SAMMSON: variants seen among roughly 807,000 people sequenced by gnomAD.
SAMMSON encodes long intergenic non-protein coding RNA 1212.
At chr3:70,243,129 T>C (rs1420679081) in intron 4 of SAMMSON, among the ~76,000 whole-genome samples, 1 of 152,208 alleles carries the variant, frequency 6.6e-6, no homozygotes, top group Non-Finnish European at 1.5e-5. Context: ...TTCTCTAGAC[T>C]ATATTGTTTC....
intron 7 of SAMMSON, among the ~76,000 whole-genome samples, chr3:70,326,241 T>A (rs1702579799): frequency 6.6e-6 from 1 of 152,126 alleles, no homozygotes; most frequent in African/African-American, 2.4e-5. Context: ...TTGGTGCAGA[T>A]TCTTAATATA....
At chr3:70,409,068 C>A (rs563589678) in intron 2 of SAMMSON, among the ~76,000 whole-genome samples, 1 of 152,080 alleles carries the variant, frequency 6.6e-6, no homozygotes, top group Admixed American at 6.5e-5. Context: ...AGGGAAACCA[C>A]CCCCATGATT....
At chr3:70,213,309 A>T (rs1219647538) in intron 4 of SAMMSON, among the ~76,000 whole-genome samples, 1 of 152,120 alleles carries the variant, frequency 6.6e-6, no homozygotes, top group Non-Finnish European at 1.5e-5. Context: ...GCTTGTTGCT[A>T]AGTTTTTCTT....
chr3:70,267,464 G>T (rs7638227), intron 6 of SAMMSON, among the ~76,000 whole-genome samples: 4,616 of 140,510 alleles, frequency 0.033, 238 homozygotes, highest in African/African-American at 0.11. Flanking sequence ...GTGCAGTGGC[G>T]CGATCTCCGC....
chr3:70,028,011 AT>A (rs1359733028), intron 3 of SAMMSON, among the ~76,000 whole-genome samples: 6 of 152,124 alleles, frequency 3.9e-5, no homozygotes. Context: ...ATGGCTTTGC[AT>A]TTTCAGTTAA....
intron 7 of SAMMSON, among the ~76,000 whole-genome samples, chr3:70,345,584 A>C (rs1702743938): frequency 6.6e-6 from 1 of 152,204 alleles, no homozygotes; most frequent in Non-Finnish European, 1.5e-5. Flanking sequence ...TCTATTCACC[A>C]GTACAGTATC....
At chr3:70,264,345 T>C (rs1701895835) in intron 6 of SAMMSON, among the ~76,000 whole-genome samples, 1 of 152,224 alleles carries the variant, frequency 6.6e-6, no homozygotes, top group African/African-American at 2.4e-5. Context: ...TTTAGAAATC[T>C]GCTCTTGTTT....
downstream of SAMMSON, among the ~76,000 whole-genome samples, chr3:70,391,840 A>G (rs145058555): frequency 6.6e-4 from 100 of 152,248 alleles, 1 homozygote; most frequent in African/African-American, 2.3e-3. Context: ...GGCAATATCT[A>G]TAGTAGGAAT....
At chr3:70,253,303 G>A (rs1701786388) in intron 6 of SAMMSON, among the ~76,000 whole-genome samples, 1 of 152,142 alleles carries the variant, frequency 6.6e-6, no homozygotes, top group Admixed American at 6.5e-5. Flanking sequence ...TATGGGGAAT[G>A]GGAAGTGCAA....
intron 4 of SAMMSON, chr3:70,206,831 G>T: frequency 5.0e-6 from 2 of 396,818 alleles, no homozygotes; most frequent in South Asian, 2.6e-4. Flanking sequence ...AACCCACTAT[G>T]GTTTACGTGA....
chr3:70,352,955 GATAA>G (rs1702803647), intron 7 of SAMMSON, among the ~76,000 whole-genome samples: 1 of 151,942 alleles, frequency 6.6e-6, no homozygotes, highest in African/African-American at 2.4e-5. Context: ...TTTTGACAAA[GATAA>G]ATAAACAATT....
chr3:70,006,110 A>C (rs988579327), intron 1 of SAMMSON, among the ~76,000 whole-genome samples: 2 of 152,236 alleles, frequency 1.3e-5, no homozygotes, highest in African/African-American at 4.8e-5. Flanking sequence ...CAAATGATTT[A>C]AATCCCTAAA....
In SAMMSON at chr3:70,366,110, C is replaced by T. The variant is rs1702918526; in HGVS notation, n.913+7786C>T. On this transcript the variant is annotated intron_variant and non_coding_transcript_variant, in intron 9 of 9. Coordinates refer to ENST00000642114, the Ensembl canonical transcript of SAMMSON. ...GGTTCACGCCATTCTCCTGCCTCAG[C>T]CTCCCGAGTAGCTGGGACTACAGGC... Among the ~76,000 whole-genome samples, 2 of 75,692 alleles carry T rather than the reference C, an allele frequency of 2.6e-5. 1 individual carries two copies. The highest frequency in any genetic ancestry group is 0.014 in the Middle Eastern group (2 of 144). 49.7% of individuals were successfully genotyped at this position (75,692 alleles called of 152,430 possible). A position where few individuals can be genotyped will look rare whatever the true frequency, so the allele number is the denominator to read the frequency against.
intron 4 of SAMMSON, among the ~76,000 whole-genome samples, chr3:70,174,782 C>T (rs555020501): frequency 2.2e-3 from 336 of 151,598 alleles, no homozygotes; most frequent in Non-Finnish European, 3.6e-3. Flanking sequence ...AGGCTGCCAT[C>T]TATGAGGAAG....
chr3:70,052,930 T>C (rs1012434318), intron 3 of SAMMSON, among the ~76,000 whole-genome samples: 4 of 152,160 alleles, frequency 2.6e-5, no homozygotes, highest in African/African-American at 7.2e-5. Context: ...CCCTTTTCTT[T>C]CTGCTTCTCT....
At chr3:70,199,514 CAG>C (rs1576152193) in intron 4 of SAMMSON, among the ~76,000 whole-genome samples, 1 of 152,202 alleles carries the variant, frequency 6.6e-6, no homozygotes, top group East Asian at 1.9e-4. Context: ...TTTTAAAAGG[CAG>C]AGTCTCTTGC....
chr3:70,414,457 C>T (rs1701246199), intron 2 of SAMMSON, among the ~76,000 whole-genome samples: 1 of 151,982 alleles, frequency 6.6e-6, no homozygotes, highest in African/African-American at 2.4e-5. Context: ...AAAGGCATCC[C>T]CTGCAAAGGT....
At chr3:70,363,905 G>A (rs773196529) in intron 9 of SAMMSON, among the ~76,000 whole-genome samples, 5 of 151,368 alleles carry the variant, frequency 3.3e-5, no homozygotes, top group Admixed American at 6.6e-5. Flanking sequence ...TTTATTTTAC[G>A]TGAGCATTTA....
intron 4 of SAMMSON, among the ~76,000 whole-genome samples, chr3:70,123,261 A>G (rs1259513697): frequency 2.0e-5 from 3 of 152,142 alleles, no homozygotes; most frequent in South Asian, 2.1e-4. Flanking sequence ...CTGGTAAGCT[A>G]GTTTGTTTTG....
Sources: gnomAD v4.1 joint callset for allele counts (sites outside exome capture counted in the v4.1 genomes callset) on GRCh38, gnomAD v4.1.1 for gene constraint, MANE v1.5 for transcripts, NCBI Gene and HGNC (gene_info 2026-07-23, HGNC 2026-07-21) for gene names.